CD9: variants seen among roughly 807,000 people sequenced by gnomAD.
CD9 encodes CD9 antigen.
In CD9, 10 loss-of-function variants were observed where a neutral mutation model predicts 31.4. That is an observed-to-expected ratio of 0.32 (90% CI 0.20 to 0.54). CD9 has a LOEUF of 0.54. CD9 is among the 20% of genes least tolerant of loss of function. The pLI, the probability that CD9 is intolerant of heterozygous loss-of-function variation, is 0.94. For missense variants in CD9, 259 were observed against 300.1 expected (o/e 0.86, Z 1.01); for synonymous variants, 113 against 114.1 (o/e 0.99, Z 0.06).
intron 1 of CD9, among the ~76,000 whole-genome samples, chr12:6,209,633 CT>C (rs898256170): frequency 1.2e-4 from 18 of 151,902 alleles, no homozygotes; most frequent in African/African-American, 4.1e-4. Flanking sequence ...AATTGTAGCC[CT>C]GGCTCCCTAA....
Position 6,237,918 on chromosome 12 carries a change from GTTTGTTT to G in CD9, c.*94_*100del, listed in dbSNP as rs1283618531. 4 of 1,047,298 alleles carry G rather than the reference GTTTGTTT, an allele frequency of 3.8e-6. No homozygotes were observed. In the East Asian group the frequency reaches 9.8e-5, roughly 26 times the overall value. The allele number at this position is 1,047,298 out of a possible 1,614,324, so 64.9% of individuals were successfully genotyped here. On this transcript the variant is annotated 3_prime_UTR_variant, in exon 8 of 8. Coordinates refer to ENST00000009180, the MANE Select transcript of CD9 (RefSeq NM_001769.4). ...TGTTTTGTTTTGTTTGTTGTTTGTT[GTTTGTTT>G]TTTTGCCACTAATTTTAGTATTCAT...
intron 1 of CD9, among the ~76,000 whole-genome samples, chr12:6,206,408 G>C (rs1245357298): frequency 6.6e-6 from 1 of 151,932 alleles, no homozygotes; most frequent in Non-Finnish European, 1.5e-5. Flanking sequence ...TTTTTTTGTA[G>C]AGACAGGATC....
At chr12:6,213,719 G>C (rs1307572112) in intron 1 of CD9, among the ~76,000 whole-genome samples, 2 of 152,152 alleles carry the variant, frequency 1.3e-5, no homozygotes, top group Admixed American at 6.5e-5. Context: ...GACACCAGGG[G>C]TAGGAAGTGG....
intron 2 of CD9, among the ~76,000 whole-genome samples, chr12:6,229,521 G>A (rs899061046): frequency 3.3e-5 from 5 of 152,236 alleles, no homozygotes; most frequent in African/African-American, 1.2e-4. Flanking sequence ...GAACTCGGGA[G>A]GGCGGGAACC....
intron 1 of CD9, among the ~76,000 whole-genome samples, chr12:6,222,955 G>C (rs1337687482): frequency 6.6e-6 from 1 of 152,226 alleles, no homozygotes; most frequent in Non-Finnish European, 1.5e-5. Context: ...TCACTCATCA[G>C]GGGAAGTAAG....
intron 1 of CD9, among the ~76,000 whole-genome samples, chr12:6,210,428 A>T (rs969585349): frequency 2.6e-5 from 4 of 152,304 alleles, no homozygotes; most frequent in Admixed American, 2.6e-4. Context: ...CTCAGGACAA[A>T]GGCCAGGGAG....
intron 3 of CD9, chr12:6,233,004 A>G: frequency 1.4e-6 from 1 of 702,166 alleles, no homozygotes; most frequent in Non-Finnish European, 2.6e-6. Flanking sequence ...CTGAATCCAC[A>G]GGTACCTTTG....
chr12:6,211,412 C>G (rs1488149061), intron 1 of CD9, among the ~76,000 whole-genome samples: 2 of 152,148 alleles, frequency 1.3e-5, no homozygotes, highest in Non-Finnish European at 2.9e-5. Context: ...TTGCAAGATC[C>G]CATGTTGGAG....
chr12:6,211,728 A>T (rs117189199), intron 1 of CD9, among the ~76,000 whole-genome samples: 1 of 152,334 alleles, frequency 6.6e-6, no homozygotes, highest in Non-Finnish European at 1.5e-5. Context: ...CCCACATCAG[A>T]TGATTTTGGT....
In CD9 at chr12:6,235,342, CAA is replaced by C. The variant is rs761334436; in HGVS notation, c.447+17_447+18del. ...TCCACTATGCGGTATGTCGCCTTGG[CAA>C]AGACACCCTCCTGCGCTTTCTCCGG... On this transcript the variant is annotated intron_variant, in intron 5 of 7. Coordinates refer to ENST00000009180, the MANE Select transcript of CD9 (RefSeq NM_001769.4). 1 of 1,614,214 alleles carries C rather than the reference CAA, an allele frequency of 6.2e-7. No homozygotes were observed. The highest frequency in any genetic ancestry group is 1.1e-5 in the South Asian group (1 of 91,084).
chr12:6,228,590 C>A (rs1946400011), intron 2 of CD9, among the ~76,000 whole-genome samples: 1 of 148,752 alleles, frequency 6.7e-6, no homozygotes, highest in African/African-American at 2.5e-5. Context: ...AACAGCAGCA[C>A]AGCACTCTGA....
At position 6,235,755 on chromosome 12, in the gene CD9, C is replaced by G. The variant is rs1465105037; in HGVS notation, c.537+190C>G. On this transcript the variant is annotated intron_variant, in intron 6 of 7. Coordinates refer to ENST00000009180, the MANE Select transcript of CD9 (RefSeq NM_001769.4). ...TACTCAAGGGCAATAAAACAAAGGC[C>G]GGACCAGGGGAATGACAAGTGTTCT... The G allele has an allele frequency of 7.1e-6, 10 of 1,407,080 alleles. No individual in the cohort carries two copies. In the South Asian group the frequency reaches 1.3e-4, roughly 19 times the overall value. The allele number at this position is 1,407,080 out of a possible 1,614,324, so 87.2% of individuals were successfully genotyped here. A position where few individuals can be genotyped will look rare whatever the true frequency, so the allele number is the denominator to read the frequency against.
chr12:6,232,160 G>A lies in CD9; in HGVS notation c.176-472G>A. The A allele has an allele frequency of 5.3e-6, 1 of 187,800 alleles. No individual in the cohort carries two copies. Among genetic ancestry groups the A allele is most frequent in the South Asian group, 8.7e-5 (1 of 11,532 alleles). The allele number at this position is 187,800 out of a possible 1,614,324, so 11.6% of individuals were successfully genotyped here. On this transcript the variant is annotated intron_variant, in intron 2 of 7. Coordinates refer to ENST00000009180, the MANE Select transcript of CD9 (RefSeq NM_001769.4). The surrounding 1 kb of genome is among the most constrained non-coding windows in gnomAD (Gnocchi z 4.8). Reference sequence around the variant, plus strand: ...CACCCCTGGGTAGGGGGGTGCCTAGGTGTGCACGGCCCCTTCCTGCTGGAA... The same window carrying A: ...CACCCCTGGGTAGGGGGGTGCCTAGATGTGCACGGCCCCTTCCTGCTGGAA...
upstream of CD9, chr12:6,200,151 G>A (rs954743054): frequency 3.3e-5 from 5 of 153,096 alleles, no homozygotes; most frequent in African/African-American, 1.2e-4. Context: ...TGGGTGGCGG[G>A]TGGGGGTTAG....
intron 1 of CD9, among the ~76,000 whole-genome samples, chr12:6,222,544 G>T (rs1025428105): frequency 9.9e-5 from 15 of 152,172 alleles, no homozygotes; most frequent in Non-Finnish European, 1.8e-4. Context: ...GAATGCGGGG[G>T]ACTCCCGACT....
chr12:6,228,570 A>G (rs895265379), intron 2 of CD9, among the ~76,000 whole-genome samples: 1 of 151,606 alleles, frequency 6.6e-6, no homozygotes, highest in Admixed American at 6.6e-5. Context: ...AAAAAAAAAA[A>G]AAAAAAAAAA....
intron 1 of CD9, among the ~76,000 whole-genome samples, chr12:6,223,451 C>T (rs369502133): frequency 7.9e-5 from 12 of 152,012 alleles, no homozygotes; most frequent in African/African-American, 1.9e-4. Flanking sequence ...TTAGTGGAGA[C>T]GGGGTTTCAC....
At position 6,232,559 on chromosome 12, in the gene CD9, A is replaced by G. The variant is rs957715384; in HGVS notation, c.176-73A>G. On this transcript the variant is annotated intron_variant, in intron 2 of 7. Transcript: ENST00000009180. The surrounding 1 kb of genome is among the most constrained non-coding windows in gnomAD (Gnocchi z 4.8). ...AGGCAGGAGTTAGGCAGAGGGAAAC[A>G]GGAATTGCCGGAGATGCCTGGGCCT... 2.2e-6 allele frequency: 2 copies of G among 909,620 alleles called. No homozygotes were observed. Among genetic ancestry groups the G allele is most frequent in the Non-Finnish European group, 3.5e-6 (2 of 571,018 alleles). The allele number at this position is 909,620 out of a possible 1,614,324, so 56.3% of individuals were successfully genotyped here.
At chr12:6,230,084 A>C (rs867481262) in intron 2 of CD9, among the ~76,000 whole-genome samples, 1 of 152,202 alleles carries the variant, frequency 6.6e-6, no homozygotes, top group African/African-American at 2.4e-5. Context: ...TGTAAAAACC[A>C]GCCCGAGCCC....
Sources: gnomAD v4.1 joint callset for allele counts (sites outside exome capture counted in the v4.1 genomes callset) on GRCh38, gnomAD v4.1.1 for gene constraint, Gnocchi (gnomAD v3.1) non-coding constraint, MANE v1.5 for transcripts, NCBI Gene and HGNC (gene_info 2026-07-23, HGNC 2026-07-21) for gene names.